GYPC: variants seen among roughly 807,000 people sequenced by gnomAD.
The protein encoded by GYPC is glycophorin C (Gerbich blood group).
In GYPC, 14 loss-of-function variants were observed where a neutral mutation model predicts 12.6. The ratio of observed to expected loss-of-function variants is 1.11; its 90% CI spans 0.74 to 1.74. The LOEUF is 1.74. Ranked by LOEUF, GYPC falls within the 40% of genes most tolerant of loss-of-function variation. The pLI, the probability that GYPC is intolerant of heterozygous loss-of-function variation, is 0.00. For synonymous variants in GYPC, 78 were observed against 62.1 expected, an observed-to-expected ratio of 1.26 and a Z score of -1.20; for missense variants, 225 against 172.1, an observed-to-expected ratio of 1.31 and a Z score of -1.72.
chr2:126,657,686 T>C (rs1230430673), intron 1 of GYPC: 1 of 152,278 alleles, frequency 6.6e-6, no homozygotes, highest in African/African-American at 2.4e-5. Flanking sequence ...GGCATTCTCA[T>C]GTCTGAAGAG....
rs558359003 is a variant in GYPC, at chr2:126,677,274, T to A, written c.50-12981T>A. Among the ~76,000 whole-genome samples, 7 of 151,936 alleles carry A rather than the reference T, an allele frequency of 4.6e-5. No homozygotes were observed. In the East Asian group the frequency reaches 1.4e-3, roughly 29 times the overall value. ...ATATGTGTATAAGTGTGTGAGTGCATGTGAGAGTGTGTGAGTGTGTTAGAG... is the reference window on the plus strand; with the variant it reads ...ATATGTGTATAAGTGTGTGAGTGCAAGTGAGAGTGTGTGAGTGTGTTAGAG... On this transcript the variant is annotated intron_variant, in intron 1 of 3. Transcript: ENST00000259254.
chr2:126,683,952 C>T (rs183040227), intron 1 of GYPC, among the ~76,000 whole-genome samples: 3 of 152,300 alleles, frequency 2.0e-5, no homozygotes, highest in Admixed American at 1.3e-4. Context: ...CTTTGCAGGC[C>T]TCTACACTTC....
intron 1 of GYPC, among the ~76,000 whole-genome samples, chr2:126,683,444 C>A (rs1456524087): frequency 1.3e-5 from 2 of 152,206 alleles, no homozygotes; most frequent in Non-Finnish European, 2.9e-5. Context: ...GCTTTTATCC[C>A]CAGATTCTTC....
chr2:126,656,990 A>C (rs1351276665), intron 1 of GYPC, among the ~76,000 whole-genome samples: 2 of 152,226 alleles, frequency 1.3e-5, no homozygotes, highest in African/African-American at 4.8e-5. Flanking sequence ...TTGCAATAAA[A>C]ACTACCATTT....
chr2:126,672,160 T>A (rs956130228), intron 1 of GYPC, among the ~76,000 whole-genome samples: 3 of 152,120 alleles, frequency 2.0e-5, no homozygotes, highest in Non-Finnish European at 4.4e-5. Flanking sequence ...CGGCACCTGT[T>A]ACAGCATCCA....
chr2:126,662,832 C>T (rs962626047), intron 1 of GYPC, among the ~76,000 whole-genome samples: 2 of 152,062 alleles, frequency 1.3e-5, no homozygotes, highest in East Asian at 1.9e-4. Flanking sequence ...TAATTGCTTC[C>T]GCTCACTGAG....
intron 1 of GYPC, chr2:126,685,763 C>T: frequency 2.0e-6 from 2 of 984,312 alleles, no homozygotes; most frequent in Non-Finnish European, 2.4e-6. Flanking sequence ...ACCTGGCCAA[C>T]TGTCAAGCAG....
At chr2:126,666,060 C>G (rs1009740040) in intron 1 of GYPC, among the ~76,000 whole-genome samples, 2 of 152,188 alleles carry the variant, frequency 1.3e-5, no homozygotes, top group Non-Finnish European at 2.9e-5. Context: ...TTGTTCCCCC[C>G]ACACCCGGAA....
intron 1 of GYPC, among the ~76,000 whole-genome samples, chr2:126,656,928 C>G (rs1665719328): frequency 6.6e-6 from 1 of 152,218 alleles, no homozygotes; most frequent in South Asian, 2.1e-4. Flanking sequence ...TTTGTAGATG[C>G]TTGGAAACAT....
At chr2:126,661,715 G>A (rs1682541834) in intron 1 of GYPC, among the ~76,000 whole-genome samples, 1 of 152,134 alleles carries the variant, frequency 6.6e-6, no homozygotes, top group African/African-American at 2.4e-5. Context: ...GCCTCCCAAA[G>A]TGCTGGGATT....
chr2:126,668,343 A>C (rs141770841), intron 1 of GYPC, among the ~76,000 whole-genome samples: 37 of 152,224 alleles, frequency 2.4e-4, no homozygotes, highest in African/African-American at 8.2e-4. Flanking sequence ...GTGATGGCTC[A>C]CTCCCGAGAC....
At chr2:126,668,945 T>C (rs1241100699) in intron 1 of GYPC, among the ~76,000 whole-genome samples, 2 of 152,224 alleles carry the variant, frequency 1.3e-5, no homozygotes, top group Non-Finnish European at 1.5e-5. Flanking sequence ...CGGATCGAAT[T>C]GCCTATGACT....
chr2:126,692,331 C>T (rs1400796926), intron 2 of GYPC, among the ~76,000 whole-genome samples: 1 of 152,146 alleles, frequency 6.6e-6, no homozygotes, highest in Non-Finnish European at 1.5e-5. Flanking sequence ...CATCTGTGTC[C>T]TGCTGTGGAC....
At chr2:126,663,968 CTCT>C (rs1682612812) in intron 1 of GYPC, among the ~76,000 whole-genome samples, 3 of 66,918 alleles carry the variant, frequency 4.5e-5, no homozygotes, top group Non-Finnish European at 1.0e-4. Flanking sequence ...CTCTCTCTCT[CTCT>C]CTCTCTCTCT....
chr2:126,682,300 T>G (rs2104795161), intron 1 of GYPC, among the ~76,000 whole-genome samples: 1 of 152,048 alleles, frequency 6.6e-6, no homozygotes, highest in East Asian at 1.9e-4. Flanking sequence ...TGGGAACACA[T>G]GCTTAATTTC....
At chr2:126,660,024 G>A (rs1682491651) in intron 1 of GYPC, among the ~76,000 whole-genome samples, 1 of 152,114 alleles carries the variant, frequency 6.6e-6, no homozygotes, top group African/African-American at 2.4e-5. Flanking sequence ...GCCGCCATAG[G>A]GCACCCAGAC....
At chr2:126,672,880 T>C (rs902404070) in intron 1 of GYPC, among the ~76,000 whole-genome samples, 1 of 152,112 alleles carries the variant, frequency 6.6e-6, no homozygotes, top group African/African-American at 2.4e-5. Context: ...CATAGCCTCC[T>C]TCTCCTCTCT....
Position 126,696,176 on chromosome 2 carries a change from C to G in GYPC, c.*34C>G, listed in dbSNP as rs1372146611. On this transcript the variant is annotated 3_prime_UTR_variant, in exon 4 of 4. Coordinates refer to ENST00000259254, the MANE Select transcript of GYPC (RefSeq NM_002101.5). The stretch of plus-strand genomic sequence containing the variant: ...AGACTTCACTTCCCTGAATGCCTCC[C>G]CCATCTCCATCAGGAAAAATACACC... 3.3e-6 allele frequency: 5 copies of G among 1,496,956 alleles called. No individual in the cohort carries two copies. The highest frequency in any genetic ancestry group is 2.3e-5 in the East Asian group (1 of 44,086). The allele number at this position is 1,496,956 out of a possible 1,614,324, so 92.7% of individuals were successfully genotyped here.
chr2:126,694,483 A>G (rs1683583158), intron 3 of GYPC, among the ~76,000 whole-genome samples: 1 of 152,074 alleles, frequency 6.6e-6, no homozygotes, highest in South Asian at 2.1e-4. Flanking sequence ...ACCTTCTTTG[A>G]GATCCACACT....
Sources: gnomAD v4.1 joint callset for allele counts (sites outside exome capture counted in the v4.1 genomes callset) on GRCh38, gnomAD v4.1.1 for gene constraint, MANE v1.5 for transcripts, NCBI Gene and HGNC (gene_info 2026-07-23, HGNC 2026-07-21) for gene names.